PCDHA6: variants seen among roughly 807,000 people sequenced by gnomAD.
PCDHA6 encodes protocadherin alpha 6.
PCDHA6 carries 55 observed loss-of-function variants against 60.3 expected under a neutral mutation model. The ratio of observed to expected loss-of-function variants is 0.91; its 90% confidence interval spans 0.73 to 1.14. PCDHA6 has a LOEUF of 1.14. PCDHA6 is among the 50% of genes most tolerant of loss of function. The pLI, the probability that PCDHA6 is intolerant of heterozygous loss-of-function variation, is 0.00. For synonymous variants in PCDHA6, 652 were observed against 557.9 expected (o/e 1.17, Z -2.38); for missense variants, 1,327 against 1,256.5 (o/e 1.06, Z -0.85).
intron 1 of PCDHA6, chr5:140,930,511 C>G (rs2086907383): frequency 6.6e-6 from 1 of 152,616 alleles, no homozygotes; most frequent in African/African-American, 2.4e-5. Context: ...GCATGAGCCA[C>G]TGCAGCTGGC....
Position 140,836,318 on chromosome 5 carries a change from C to G in PCDHA6, c.2394+5833C>G, listed in dbSNP as rs1774367282. The G allele has an allele frequency of 1.9e-6, 3 of 1,613,634 alleles. No individual in the cohort carries two copies. Among genetic ancestry groups the G allele is most frequent in the Non-Finnish European group, 2.5e-6 (3 of 1,179,838 alleles). On this transcript the variant is annotated intron_variant, in intron 1 of 3. Coordinates refer to ENST00000529310, the MANE Select transcript of PCDHA6 (RefSeq NM_018909.4). ...TAGATGAGACGGACGCACCGCGCCA[C>G]CGCCTTCTGGTGCTTGTGAAGGACC... is the stretch of plus-strand genomic sequence containing the variant.
Position 141,011,779 on chromosome 5 carries a change from A to G in PCDHA6, c.*1842A>G, listed in dbSNP as rs1407523783. On this transcript the variant is annotated 3_prime_UTR_variant, in exon 4 of 4. Transcript: ENST00000529310. ...CTTTGAAGTTGCAGAATGCTTTGAAATTCTAATGGTATCTGAAATATCAGC... is the reference window on the plus strand; with the variant it reads ...CTTTGAAGTTGCAGAATGCTTTGAAGTTCTAATGGTATCTGAAATATCAGC... The G allele has an allele frequency of 6.5e-6, 1 of 153,778 alleles. No homozygotes were observed. Among genetic ancestry groups the G allele is most frequent in the East Asian group, 1.9e-4 (1 of 5,202 alleles). 9.5% of individuals were successfully genotyped at this position (153,778 alleles called of 1,614,324 possible).
At position 140,829,807 on chromosome 5, in the gene PCDHA6, T is replaced by G. The variant is rs146736705; in HGVS notation, c.1716T>G (p.Gly572=). Residue 572 remains glycine (G), a synonymous_variant, in exon 1 of 4, where the codon GGT becomes GGG. Transcript: ENST00000529310. ...APALLAPRVG[G]TGGAVSELVP... ...CGCTGCTGGCGCCTCGGGTGGGTGGTACTGGTGGTGCAGTGAGCGAGCTGG... is the reference window on the plus strand; with the variant it reads ...CGCTGCTGGCGCCTCGGGTGGGTGGGACTGGTGGTGCAGTGAGCGAGCTGG... 8 of 1,613,716 alleles carry G rather than the reference T, an allele frequency of 5.0e-6. No homozygotes were observed. The highest frequency in any genetic ancestry group is 6.8e-6 in the Non-Finnish European group (8 of 1,179,870).
chr5:140,917,669 C>G (rs555314392), intron 1 of PCDHA6, among the ~76,000 whole-genome samples: 2 of 152,140 alleles, frequency 1.3e-5, no homozygotes, highest in Non-Finnish European at 2.9e-5. Context: ...AGTCCTTTCT[C>G]CATTGCTTGT....
At chr5:140,882,767 G>GC in intron 1 of PCDHA6, 1 of 1,614,176 alleles carries the variant, frequency 6.2e-7, no homozygotes, top group Non-Finnish European at 8.5e-7. Context: ...AGTAAACTCG[G>GC]CATTGACCTA....
In PCDHA6 at chr5:140,876,415, G is replaced by T; in HGVS notation, c.2394+45930G>T. On this transcript the variant is annotated intron_variant, in intron 1 of 3. Transcript: ENST00000529310. Reference sequence around the variant, plus strand: ...TGAACTGGATTTTGAAGAGAATAATGCCTATGAAATTCAGGTTAACGCCAT... The same window carrying T: ...TGAACTGGATTTTGAAGAGAATAATTCCTATGAAATTCAGGTTAACGCCAT... The T allele has an allele frequency of 2.5e-6, 4 of 1,613,960 alleles. 1 individual carries two copies. The highest frequency in any genetic ancestry group is 3.4e-6 in the Non-Finnish European group (4 of 1,179,898).
chr5:140,850,619 T>C (rs1327307215), intron 1 of PCDHA6: 1 of 1,598,468 alleles, frequency 6.3e-7, no homozygotes, highest in Non-Finnish European at 8.6e-7. Context: ...GCGCGGTGTC[T>C]AGCCTGTTGG....
rs1554263795 is a variant in PCDHA6 at position 141,012,061 on chromosome 5, C to T, written c.*2124C>T. 1 of 153,730 alleles carries T rather than the reference C, an allele frequency of 6.5e-6. No homozygotes were observed. The highest frequency in any genetic ancestry group is 1.9e-4 in the East Asian group (1 of 5,194). The allele number at this position is 153,730 out of a possible 1,614,324, so 9.5% of individuals were successfully genotyped here. A position where few individuals can be genotyped will look rare whatever the true frequency, so the allele number is the denominator to read the frequency against. The stretch of plus-strand genomic sequence containing the variant: ...CATGGGGTAAAACTTGTTACCAACA[C>T]ATGTGAACCATTGCTACATTGTAGG... On this transcript the variant is annotated 3_prime_UTR_variant, in exon 4 of 4. Coordinates refer to ENST00000529310, the MANE Select transcript of PCDHA6 (RefSeq NM_018909.4).
chr5:140,989,373 C>G (rs1189877807), intron 3 of PCDHA6, among the ~76,000 whole-genome samples: 1 of 152,088 alleles, frequency 6.6e-6, no homozygotes, highest in Non-Finnish European at 1.5e-5. Flanking sequence ...TGACTGAGAG[C>G]TTTGTGGGAA....
chr5:140,877,021 G>A, intron 1 of PCDHA6: 1 of 1,612,514 alleles, frequency 6.2e-7, no homozygotes, highest in Non-Finnish European at 8.5e-7. Context: ...GAGCGGCAAG[G>A]TGTACGCGCT....
intron 1 of PCDHA6, chr5:140,862,939 T>G (rs2047666977): frequency 1.8e-6 from 1 of 541,782 alleles, no homozygotes; most frequent in South Asian, 1.4e-5. Flanking sequence ...GCGCTGTGAG[T>G]GAGCTGGTGC....
chr5:140,869,451 T>C, intron 1 of PCDHA6: 1 of 1,614,146 alleles, frequency 6.2e-7, no homozygotes, highest in Non-Finnish European at 8.5e-7. Context: ...CGCTGCAGGT[T>C]TTCCATGTGA....
At chr5:140,895,130 G>A (rs1423440826) in intron 1 of PCDHA6, among the ~76,000 whole-genome samples, 11 of 152,232 alleles carry the variant, frequency 7.2e-5, no homozygotes, top group African/African-American at 2.6e-4. Flanking sequence ...TAGTTGACAA[G>A]TTCATAGGGC....
At chr5:140,974,109 T>A (rs192229356) in intron 1 of PCDHA6, among the ~76,000 whole-genome samples, 366 of 152,368 alleles carry the variant, frequency 2.4e-3, no homozygotes, top group Non-Finnish European at 3.7e-3. Context: ...AAAAGTATTC[T>A]TTTGCAGTGT....
intron 1 of PCDHA6, chr5:140,870,539 G>C (rs367673976): frequency 1.2e-5 from 20 of 1,614,040 alleles, no homozygotes; most frequent in Admixed American, 1.7e-5. Context: ...GTGTCGGCGC[G>C]GGACGCGGAC....
At chr5:140,871,425 T>A (rs782021225) in intron 1 of PCDHA6, 7 of 1,613,404 alleles carry the variant, frequency 4.3e-6, no homozygotes, top group Admixed American at 3.3e-5. Flanking sequence ...TCAGCCCCAG[T>A]CTTCCTCTAG....
At chr5:140,978,528 C>T (rs903940636) in intron 1 of PCDHA6, among the ~76,000 whole-genome samples, 1 of 152,192 alleles carries the variant, frequency 6.6e-6, no homozygotes, top group Non-Finnish European at 1.5e-5. Flanking sequence ...GCCAGGCCAG[C>T]AGAACTTGTG....
chr5:140,937,521 G>A (rs1244752316), intron 1 of PCDHA6, among the ~76,000 whole-genome samples: 1 of 152,106 alleles, frequency 6.6e-6, no homozygotes, highest in Non-Finnish European at 1.5e-5. Context: ...GGAGGCTGAG[G>A]CAGGAGAATT....
chr5:140,927,045 C>G, intron 1 of PCDHA6: 1 of 1,612,254 alleles, frequency 6.2e-7, no homozygotes, highest in Non-Finnish European at 8.5e-7. Context: ...CCGCTATGTC[C>G]TCGCGGAACT....
Sources: gnomAD v4.1 joint callset for allele counts (sites outside exome capture counted in the v4.1 genomes callset) on GRCh38, gnomAD v4.1.1 for gene constraint, MANE v1.5 for transcripts, NCBI Gene and HGNC (gene_info 2026-07-23, HGNC 2026-07-21) for gene names.